DPAGT1: variants seen among roughly 807,000 people sequenced by gnomAD.
DPAGT1 encodes UDP-N-acetylglucosamine--dolichyl-phosphate N-acetylglucosaminephosphotransferase.
In DPAGT1, 25 loss-of-function variants were observed where a neutral mutation model predicts 39.3. That is an observed-to-expected ratio of 0.64 (90% CI 0.46 to 0.89). The LOEUF is 0.89. Among genes scored for constraint, DPAGT1 ranks in the 40% least tolerant of loss-of-function variants. The probability of loss-of-function intolerance (pLI) is 0.00; values close to 1 mark genes in which losing one functional copy is unlikely to be tolerated. For missense variants in DPAGT1, 381 were observed against 500.6 expected, an observed-to-expected ratio of 0.76 and a Z score of 2.28; for synonymous variants, 193 against 201.4, an observed-to-expected ratio of 0.96 and a Z score of 0.36.
At chr11:119,099,421 CAAAAAA>C (rs55735634) in intron 4 of DPAGT1, among the ~76,000 whole-genome samples, 5 of 113,136 alleles carry the variant, frequency 4.4e-5, no homozygotes, top group Non-Finnish European at 8.8e-5. Context: ...AACTCCGTCT[CAAAAAA>C]AAAAAAAAAA....
chr11:119,100,757 G>A lies in DPAGT1; in HGVS notation c.369C>T (p.Arg123=). 1 of 1,614,194 alleles carries A rather than the reference G, an allele frequency of 6.2e-7. No homozygotes were observed. The highest frequency in any genetic ancestry group is 8.5e-7 in the Non-Finnish European group (1 of 1,180,050). ...FADDVLNLRW[R]HKLLLPTAAS... ...CAGCTGTAGGTAGCAGCAGCTTATG[G>A]CGCCAGCGCAGATTCAGTACATCAT... is the stretch of plus-strand genomic sequence containing the variant. Residue 123 remains arginine (R), a synonymous_variant, in exon 3 of 9, where the codon CGC becomes CGT. Transcript: ENST00000354202.
downstream of DPAGT1, chr11:119,094,497 C>T (rs1411677750): frequency 6.5e-6 from 1 of 153,168 alleles, no homozygotes; most frequent in Non-Finnish European, 1.5e-5. Flanking sequence ...GACTGCCCAC[C>T]TCGGCCCTGC....
chr11:119,096,135 T>A (rs953509452), downstream of DPAGT1, among the ~76,000 whole-genome samples: 1 of 152,088 alleles, frequency 6.6e-6, no homozygotes, highest in African/African-American at 2.4e-5. Flanking sequence ...GGCTAATTAT[T>A]TTATTTTTGT....
downstream of DPAGT1, chr11:119,095,095 G>A (rs893458345): frequency 6.2e-7 from 1 of 1,613,968 alleles, no homozygotes; most frequent in African/African-American, 1.3e-5. Flanking sequence ...CGATCGTCAC[G>A]CCGCCCAGCA....
In DPAGT1 at chr11:119,100,424, G is replaced by A. The variant is rs201744612; in HGVS notation, c.497-16C>T. 17 of 1,614,068 alleles carry A rather than the reference G, an allele frequency of 1.1e-5. No individual in the cohort carries two copies. The highest frequency in any genetic ancestry group is 1.4e-5 in the Non-Finnish European group (16 of 1,180,048). On this transcript the variant is annotated splice_polypyrimidine_tract_variant and intron_variant, in intron 3 of 8. Transcript: ENST00000354202. ...TACAGGATTCCTGCGGGGAGAGATG[G>A]TAGGAAAAGAAGTAGTGCCACCTAG...
chr11:119,094,909 G>C, downstream of DPAGT1: 5 of 1,514,896 alleles, frequency 3.3e-6, no homozygotes, highest in Non-Finnish European at 4.4e-6. Context: ...GCCCTTAAAA[G>C]GGCCTTTGTG....
In DPAGT1 at chr11:119,101,565, C is replaced by T; in HGVS notation, c.91G>A (p.Ala31Thr). The part of the protein sequence containing the change: ...GFVATVTLIP[A>T]FRGHFIAARL... Reference sequence around the variant, plus strand: ...GCAGCAATGAAGTGGCCCCGGAAGGCCGGGATGAGGGTGACTGTGGCCACA... The same window carrying T: ...GCAGCAATGAAGTGGCCCCGGAAGGTCGGGATGAGGGTGACTGTGGCCACA... The change falls in exon 1 of 9, where the codon GCC becomes ACC. Residue 31 changes from alanine (A) to threonine (T), a missense_variant. Transcript: ENST00000354202. The T allele has an allele frequency of 6.2e-7, 1 of 1,614,256 alleles. No homozygotes were observed. The highest frequency in any genetic ancestry group is 8.5e-7 in the Non-Finnish European group (1 of 1,180,048).
intron 1 of DPAGT1, 142 bp downstream of exon 1, chr11:119,101,353 G>T: frequency 6.6e-7 from 1 of 1,520,988 alleles, no homozygotes; most frequent in Non-Finnish European, 9.0e-7. Flanking sequence ...AGTAAGTTCT[G>T]CTCATCACCT....
downstream of DPAGT1, chr11:119,094,945 G>A (rs375166958): frequency 2.5e-6 from 4 of 1,584,442 alleles, no homozygotes; most frequent in Non-Finnish European, 3.4e-6. Context: ...CTGGCGGCCG[G>A]CCGCGGCGCG....
In DPAGT1 at chr11:119,096,708, C is replaced by CA. The variant is rs34066457; in HGVS notation, c.*289dup. Reference sequence around the variant, plus strand: ...TCTGAAATGTGAGTGTGGATAACTGCAAAAAAAGCTGCTGTATCCCACCCT... The same window carrying CA: ...TCTGAAATGTGAGTGTGGATAACTGCAAAAAAAAGCTGCTGTATCCCACCCT... On this transcript the variant is annotated 3_prime_UTR_variant, in exon 9 of 9. Coordinates refer to ENST00000354202, the MANE Select transcript of DPAGT1 (RefSeq NM_001382.4). 25 of 501,086 alleles carry CA rather than the reference C, an allele frequency of 5.0e-5. No homozygotes were observed. Among genetic ancestry groups the CA allele is most frequent in the Non-Finnish European group, 6.9e-5 (19 of 276,192 alleles). The allele number at this position is 501,086 out of a possible 1,614,324, so 31.0% of individuals were successfully genotyped here. A position where few individuals can be genotyped will look rare whatever the true frequency, so the allele number is the denominator to read the frequency against.
chr11:119,098,422 C>T lies in DPAGT1; in HGVS notation c.709G>A (p.Gly237Arg). 2 of 1,613,940 alleles carry T rather than the reference C, an allele frequency of 1.2e-6. No individual in the cohort carries two copies. The highest frequency in any genetic ancestry group is 1.7e-6 in the Non-Finnish European group (2 of 1,179,926). ...FMIPFFFTTL[G>R]LLYHNWYPSR... ...ACTTACCAGTTGTGGTAGAGCAATCCCAAAGTGGTGAAAAAAAAGGGTATC... is the reference window on the plus strand; with the variant it reads ...ACTTACCAGTTGTGGTAGAGCAATCTCAAAGTGGTGAAAAAAAAGGGTATC... The change falls in exon 5 of 9, where the codon GGA (glycine) becomes AGA (arginine). Residue 237 changes from glycine (G) to arginine (R), a missense_variant. Transcript: ENST00000354202.
At chr11:119,098,165 T>C (rs541514191) in intron 5 of DPAGT1, 122 bp from the exon 6 acceptor site, 2 of 1,367,108 alleles carry the variant, frequency 1.5e-6, no homozygotes, top group African/African-American at 2.9e-5. Context: ...GAGACTCCAG[T>C]TGTGCAGCAA....
chr11:119,097,753 C>T lies in DPAGT1; in HGVS notation c.917+102G>A. ...AAGGGCTACTCACATGGAAATAGCC[C>T]TTCTTTGGGCCCACTCCCTTTGCAC... is the stretch of plus-strand genomic sequence containing the variant. On this transcript the variant is annotated intron_variant, in intron 6 of 8. Transcript: ENST00000354202. This position sits in a 1 kb window ranked among gnomAD's most constrained non-coding sequence, Gnocchi z 4.6. The T allele has an allele frequency of 1.9e-6, 3 of 1,545,084 alleles. No individual in the cohort carries two copies. In the South Asian group the frequency reaches 3.4e-5, roughly 17 times the overall value.
At position 119,097,355 on chromosome 11, in the gene DPAGT1, A is replaced by G. The variant is rs917922996; in HGVS notation, c.1006-58T>C. 1 of 1,613,400 alleles carries G rather than the reference A, an allele frequency of 6.2e-7. No individual in the cohort carries two copies. The highest frequency in any genetic ancestry group is 8.5e-7 in the Non-Finnish European group (1 of 1,179,356). Reference sequence around the variant, plus strand: ...TAATACCTATGCTTTAGGAATGTGGATCTATTTAATGCTTTCAAGTTCCCC... The same window carrying G: ...TAATACCTATGCTTTAGGAATGTGGGTCTATTTAATGCTTTCAAGTTCCCC... On this transcript the variant is annotated intron_variant, in intron 7 of 8. Transcript: ENST00000354202. The surrounding 1 kb of genome is among the most constrained non-coding windows in gnomAD (Gnocchi z 4.6).
chr11:119,098,462 A>G lies in DPAGT1; in HGVS notation c.669T>C (p.Phe223=). 1 of 1,614,202 alleles carries G rather than the reference A, an allele frequency of 6.2e-7. No individual in the cohort carries two copies. Among genetic ancestry groups the G allele is most frequent in the Non-Finnish European group, 8.5e-7 (1 of 1,180,018 alleles). The change falls in exon 5 of 9, where the codon TTT becomes TTC. Residue 223 remains phenylalanine (F), a synonymous_variant. Transcript: ENST00000354202. ...LEGDCRDDHV[F]SLYFMIPFFF... ...AAAAGGGTATCATGAAGTAGAGGGA[A>G]AAGACATGATCATCCCGACAATCAC... is the stretch of plus-strand genomic sequence containing the variant.
At position 119,100,746 on chromosome 11, in the gene DPAGT1, A is replaced by G. The variant is rs997024577; in HGVS notation, c.380T>C (p.Leu127Pro). ...VLNLRWRHKL[L>P]LPTAASLPLL... ...AGGTAGTGAGGCAGCTGTAGGTAGC[A>G]GCAGCTTATGGCGCCAGCGCAGATT... is the stretch of plus-strand genomic sequence containing the variant. The change falls in exon 3 of 9, where the codon CTG (leucine) becomes CCG (proline). Residue 127 changes from leucine (L) to proline (P), a missense_variant. By Grantham distance (98) the Leu-to-Pro change is moderately conservative. Transcript: ENST00000354202. 2 of 1,614,212 alleles carry G rather than the reference A, an allele frequency of 1.2e-6. No homozygotes were observed. The highest frequency in any genetic ancestry group is 1.7e-6 in the Non-Finnish European group (2 of 1,180,040).
chr11:119,097,459 G>C lies in DPAGT1; in HGVS notation c.1005+5C>G. The C allele has an allele frequency of 6.2e-7, 1 of 1,614,196 alleles. No homozygotes were observed. Among genetic ancestry groups the C allele is most frequent in the South Asian group, 1.1e-5 (1 of 91,088 alleles). ...TAGGGCCTTACCTCCTTGTTACCCT[G>C]TTACCTTTAAAATAAAGGTGCCCAA... is the stretch of plus-strand genomic sequence containing the variant. On this transcript the variant is annotated splice_donor_5th_base_variant and intron_variant, in intron 7 of 8. Transcript: ENST00000354202. This position sits in a 1 kb window ranked among gnomAD's most constrained non-coding sequence, Gnocchi z 4.6.
chr11:119,100,982 C>G (rs753546801), intron 2 of DPAGT1, 36 bp downstream of exon 2: 2 of 1,614,062 alleles, frequency 1.2e-6, no homozygotes, highest in Admixed American at 3.3e-5. Flanking sequence ...CTCCCAGGTC[C>G]CAGCCACAGG....
rs1016844949 is a variant in DPAGT1, at chr11:119,097,149, A to C, written c.1154T>G (p.Leu385Arg). 2.5e-5 allele frequency: 40 copies of C among 1,614,112 alleles called. No homozygotes were observed. Among genetic ancestry groups the C allele is most frequent in the Non-Finnish European group, 2.7e-5 (32 of 1,180,048 alleles). ...CTCGATTCCCATCCTCACCTGCAGCAGCAGCAGGAGCAATGTGAGGTTTCT... is the reference window on the plus strand; with the variant it reads ...CTCGATTCCCATCCTCACCTGCAGCCGCAGCAGGAGCAATGTGAGGTTTCT... The part of the protein sequence containing the change: ...HERNLTLLLL[L>R]LQILGSAITF... The change falls in exon 8 of 9, where the codon CTG becomes CGG. Residue 385 changes from leucine to arginine, a missense_variant. By Grantham distance (102) the Leu-to-Arg change is moderately radical (BLOSUM62 -2). Coordinates refer to ENST00000354202, the MANE Select transcript of DPAGT1 (RefSeq NM_001382.4). This position sits in a 1 kb window ranked among gnomAD's most constrained non-coding sequence, Gnocchi z 4.6.
Sources: allele counts gnomAD v4.1 joint callset (sites outside exome capture counted in the v4.1 genomes callset), GRCh38; gene constraint gnomAD v4.1.1; non-coding constraint Gnocchi (gnomAD v3.1); transcripts MANE v1.5; gene names NCBI Gene and HGNC (gene_info 2026-07-23, HGNC 2026-07-21).